WDR49: variants seen among roughly 807,000 people sequenced by gnomAD.
WDR49 encodes WD repeat domain 49, also known as cilia- and flagella-associated protein 337.
In WDR49, 107 loss-of-function variants were observed where a neutral mutation model predicts 119.5. The ratio of observed to expected loss-of-function variants is 0.90; its 90% CI spans 0.77 to 1.05. The LOEUF (loss-of-function observed/expected upper bound fraction) is 1.05, where lower values mean the gene tolerates loss of function less well. WDR49 is among the 50% of genes least tolerant of loss of function. The pLI, the probability that WDR49 is intolerant of heterozygous loss-of-function variation, is 0.00. For missense variants in WDR49, 1,240 were observed against 1,220.5 expected (o/e 1.02, Z -0.24); for synonymous variants, 425 against 418.8 (o/e 1.01, Z -0.18).
At chr3:167,655,884 A>T (rs1052065477), upstream of WDR49, among the ~76,000 whole-genome samples, 2 of 152,082 alleles carry the variant, frequency 1.3e-5, no homozygotes, top group African/African-American at 4.8e-5. Flanking sequence ...AGTGACAGAG[A>T]TAGACACTGT....
At chr3:167,552,725 A>G (rs957390971) in intron 10 of WDR49, among the ~76,000 whole-genome samples, 5 of 152,088 alleles carry the variant, frequency 3.3e-5, no homozygotes, top group Non-Finnish European at 7.4e-5. Context: ...ACCTTCCGAG[A>G]TGATGCTAAG....
intron 5 of WDR49, among the ~76,000 whole-genome samples, chr3:167,616,300 T>C (rs899084497): frequency 2.0e-5 from 3 of 152,218 alleles, no homozygotes; most frequent in Admixed American, 6.5e-5. Context: ...CTTCCAGCCA[T>C]GATGGCATAA....
upstream of WDR49, among the ~76,000 whole-genome samples, chr3:167,654,676 G>A (rs1718537141): frequency 6.6e-6 from 1 of 152,100 alleles, no homozygotes; most frequent in South Asian, 2.1e-4. Context: ...CAGGTGGATG[G>A]CTTCAGCTCA....
intron 2 of WDR49, among the ~76,000 whole-genome samples, chr3:167,646,245 C>A (rs989756517): frequency 1.3e-5 from 2 of 152,068 alleles, no homozygotes; most frequent in Non-Finnish European, 2.9e-5. Flanking sequence ...AGGAAGGATT[C>A]CCCTGAAAGG....
At chr3:167,548,911 C>T (rs1324876606) in intron 10 of WDR49, among the ~76,000 whole-genome samples, 1 of 152,064 alleles carries the variant, frequency 6.6e-6, no homozygotes, top group African/African-American at 2.4e-5. Context: ...TCTCATTGTT[C>T]AATTCCCACC....
rs1715423723 is a variant in WDR49, at chr3:167,596,144, G to T, written c.1275+5983C>A. ...ATGCTCACCATCACTGGCCATCAGA[G>T]AAATGCAAATCAAAACCACAGTGAG... On this transcript the variant is annotated intron_variant, in intron 7 of 18. Transcript: ENST00000682715. Among the ~76,000 whole-genome samples, 6 of 151,462 alleles carry T rather than the reference G, an allele frequency of 4.0e-5. No individual in the cohort carries two copies. In the South Asian group the frequency reaches 1.0e-3, roughly 26 times the overall value.
intron 18 of WDR49, among the ~76,000 whole-genome samples, chr3:167,495,645 G>A (rs1408517202): frequency 2.0e-5 from 3 of 151,470 alleles, no homozygotes; most frequent in African/African-American, 4.8e-5. Context: ...AAAGATAATG[G>A]CTGAGAAGTA....
intron 3 of WDR49, among the ~76,000 whole-genome samples, chr3:167,624,376 C>T (rs1465039531): frequency 3.3e-5 from 5 of 150,676 alleles, no homozygotes; most frequent in Non-Finnish European, 7.4e-5. Flanking sequence ...AAAAGGAGTA[C>T]ACACAGTATG....
chr3:167,517,253 C>T (rs923760275), intron 16 of WDR49, among the ~76,000 whole-genome samples: 9 of 152,062 alleles, frequency 5.9e-5, no homozygotes, highest in Non-Finnish European at 1.3e-4. Context: ...AGGCATCAGG[C>T]TACCCAACTT....
intron 8 of WDR49, chr3:167,575,352 G>T (rs1009242725): frequency 2.1e-6 from 2 of 945,006 alleles, no homozygotes; most frequent in Non-Finnish European, 2.5e-6. Flanking sequence ...TGCAGGTAGT[G>T]GTCCCCTAAG....
intron 8 of WDR49, among the ~76,000 whole-genome samples, chr3:167,562,440 T>A (rs1713323305): frequency 6.6e-6 from 1 of 152,188 alleles, no homozygotes; most frequent in African/African-American, 2.4e-5. Flanking sequence ...TTAGCCCTTT[T>A]TTTCCTGAAA....
chr3:167,502,254 C>T (rs764511279), intron 17 of WDR49, among the ~76,000 whole-genome samples: 1 of 152,172 alleles, frequency 6.6e-6, no homozygotes, highest in Non-Finnish European at 1.5e-5. Context: ...AATGTTGGTG[C>T]CATACCTGAA....
chr3:167,521,713 A>T (rs1465234976), intron 16 of WDR49, among the ~76,000 whole-genome samples: 1 of 152,180 alleles, frequency 6.6e-6, no homozygotes, highest in East Asian at 1.9e-4. Context: ...ATGAAAGTTA[A>T]GTTATGAGAG....
intron 7 of WDR49, among the ~76,000 whole-genome samples, chr3:167,598,562 C>T (rs867254956): frequency 2.6e-5 from 4 of 152,168 alleles, no homozygotes; most frequent in Non-Finnish European, 5.9e-5. Flanking sequence ...CTCTCTTTCT[C>T]CTGCTGCCAT....
Position 167,531,125 on chromosome 3 carries a change from A to G in WDR49, c.2208T>C (p.Thr736=). Residue 736 remains threonine (T), a synonymous_variant, in exon 13 of 19, where the codon ACT becomes ACC. Coordinates refer to ENST00000682715, the MANE Select transcript of WDR49 (RefSeq NM_001366157.1). ...AAATATATATTTTACCTGTCACTGC[A>G]GTGTTTTTTCTTGCTTTAAGAAAGC... ...RLCFLKARKN[T]AVTGGANLVS... 1 of 1,611,066 alleles carries G rather than the reference A, an allele frequency of 6.2e-7. No individual in the cohort carries two copies. The highest frequency in any genetic ancestry group is 1.3e-5 in the African/African-American group (1 of 74,790).
intron 8 of WDR49, chr3:167,566,736 T>G (rs912031490): frequency 2.2e-6 from 1 of 464,334 alleles, no homozygotes; most frequent in South Asian, 5.1e-5. Context: ...ATTTTGTATG[T>G]AAGAGTTACT....
Position 167,517,282 on chromosome 3 carries a change from T to C in WDR49, c.2774+5033A>G, listed in dbSNP as rs112536922. On this transcript the variant is annotated intron_variant, in intron 16 of 18. Transcript: ENST00000682715. ...CCAACTTCAAACTGTACTACACGGC[T>C]ACAGTAACCAAAACAGCATAGTACT... Among the ~76,000 whole-genome samples the C allele has an allele frequency of 5.2e-3, 791 of 152,252 alleles. 2 individuals are homozygous for C. The highest frequency in any genetic ancestry group is 0.017 in the African/African-American group (694 of 41,544).
intron 5 of WDR49, among the ~76,000 whole-genome samples, chr3:167,609,898 G>C (rs1018021834): frequency 6.6e-6 from 1 of 152,282 alleles, no homozygotes; most frequent in African/African-American, 2.4e-5. Flanking sequence ...TGAGGCTCCT[G>C]TCACAGGCCC....
chr3:167,609,781 G>T (rs1314539009), intron 5 of WDR49, among the ~76,000 whole-genome samples: 1 of 152,146 alleles, frequency 6.6e-6, no homozygotes, highest in Non-Finnish European at 1.5e-5. Context: ...TCCAAAAGAG[G>T]TGCCTTCCTT....
Sources: gnomAD v4.1 joint callset for allele counts (sites outside exome capture counted in the v4.1 genomes callset) on GRCh38, gnomAD v4.1.1 for gene constraint, MANE v1.5 for transcripts, NCBI Gene and HGNC (gene_info 2026-07-23, HGNC 2026-07-21) for gene names.